TASP1: variants seen among roughly 807,000 people sequenced by gnomAD.
TASP1 encodes threonine aspartase 1.
In TASP1, 16 loss-of-function variants were observed where a neutral mutation model predicts 56.6. That is an observed-to-expected ratio of 0.28 (90% CI 0.19 to 0.43). The LOEUF is 0.43. Ranked by LOEUF, TASP1 falls within the 20% of genes least tolerant of loss-of-function variation. TASP1 has a pLI of 1.00. For missense variants in TASP1, 393 were observed against 511.6 expected, an observed-to-expected ratio of 0.77 and a Z score of 2.24; for synonymous variants, 179 against 184.2, an observed-to-expected ratio of 0.97 and a Z score of 0.23.
At chr20:13,274,039 C>T in the TASP1 span, among the ~76,000 whole-genome samples, 6 of 149,442 alleles carry the variant, frequency 4.0e-5, no homozygotes, top group African/African-American at 1.0e-4. Flanking sequence ...TGGGAGCCCC[C>T]GCCTTCTGTT....
At chr20:13,187,278 A>G in the TASP1 span, among the ~76,000 whole-genome samples, 2 of 152,190 alleles carry the variant, frequency 1.3e-5, no homozygotes, top group Non-Finnish European at 2.9e-5. Context: ...GAATACCAGA[A>G]GGAAAAGAAA....
In TASP1 at chr20:13,549,423, G is replaced by GGT. The variant is rs138769695; in HGVS notation, c.675+9583_675+9584dup. Among the ~76,000 whole-genome samples the GGT allele has an allele frequency of 5.9e-4, 89 of 150,948 alleles. 1 individual carries two copies. The highest frequency in any genetic ancestry group is 1.7e-3 in the African/African-American group (70 of 41,182). Reference sequence around the variant, plus strand: ...TTAAAATACCCTTGTACTTGTAATAGGTGTGTGTGTGTGTGTATGTGTGTG... The same window carrying GGT: ...TTAAAATACCCTTGTACTTGTAATAGGTGTGTGTGTGTGTGTGTATGTGTGTG... On this transcript the variant is annotated intron_variant, in intron 8 of 13. Coordinates refer to ENST00000337743, the MANE Select transcript of TASP1 (RefSeq NM_017714.3).
the TASP1 span, among the ~76,000 whole-genome samples, chr20:13,153,097 C>T: frequency 1.3e-5 from 2 of 152,176 alleles, no homozygotes; most frequent in African/African-American, 4.8e-5. Context: ...AAACTTTGGG[C>T]TGATTTCTAG....
At chr20:13,321,587 C>G in the TASP1 span, among the ~76,000 whole-genome samples, 1 of 152,192 alleles carries the variant, frequency 6.6e-6, no homozygotes, top group African/African-American at 2.4e-5. Context: ...AGCCTGAGCA[C>G]AGGGACGTGG....
intron 4 of TASP1, among the ~76,000 whole-genome samples, chr20:13,615,122 C>CT (rs1184342189): frequency 6.6e-6 from 1 of 152,060 alleles, no homozygotes; most frequent in Non-Finnish European, 1.5e-5. Flanking sequence ...CTCTACTAAG[C>CT]TTTTTTTAAT....
intron 4 of TASP1, among the ~76,000 whole-genome samples, chr20:13,597,878 T>C (rs1375619577): frequency 6.6e-6 from 1 of 152,290 alleles, no homozygotes; most frequent in Non-Finnish European, 1.5e-5. Context: ...AGCATTCCTA[T>C]ACACCAATAA....
intron 11 of TASP1, among the ~76,000 whole-genome samples, chr20:13,468,953 A>G (rs2044369027): frequency 6.6e-6 from 1 of 152,002 alleles, no homozygotes; most frequent in South Asian, 2.1e-4. Flanking sequence ...AAAACTCAAT[A>G]AAATACCAAT....
At chr20:13,608,829 G>A (rs1457113696) in intron 4 of TASP1, among the ~76,000 whole-genome samples, 14 of 152,192 alleles carry the variant, frequency 9.2e-5, no homozygotes, top group Non-Finnish European at 1.5e-5. Context: ...TACCTACATG[G>A]AGCCTCAATT....
intron 10 of TASP1, among the ~76,000 whole-genome samples, chr20:13,504,647 C>G (rs1601033578): frequency 1.3e-5 from 2 of 152,110 alleles, no homozygotes; most frequent in East Asian, 3.9e-4. Context: ...TTAAAAATAC[C>G]TGTAGCTACA....
At chr20:13,343,585 C>G in the TASP1 span, among the ~76,000 whole-genome samples, 2 of 140,514 alleles carry the variant, frequency 1.4e-5, no homozygotes, top group Admixed American at 7.0e-5. Context: ...CCCCGCCGCC[C>G]CCGCCCCCGC....
chr20:13,390,575 G>C, intron 13 of TASP1, 123 bp from the exon 14 acceptor site: 1 of 747,520 alleles, frequency 1.3e-6, no homozygotes, highest in Admixed American at 2.2e-5. Context: ...TTGCTTCTGA[G>C]CATCCACAGA....
intron 11 of TASP1, among the ~76,000 whole-genome samples, chr20:13,478,385 C>T (rs2043019589): frequency 3.3e-5 from 5 of 150,908 alleles, no homozygotes; most frequent in Admixed American, 3.3e-4. Context: ...GAATACTATT[C>T]AGCCACAAAA....
At chr20:13,391,740 G>A (rs2041288377) in intron 13 of TASP1, among the ~76,000 whole-genome samples, 1 of 152,076 alleles carries the variant, frequency 6.6e-6, no homozygotes, top group Non-Finnish European at 1.5e-5. Context: ...GGCCGAGGCG[G>A]GCAGATCACG....
intron 11 of TASP1, among the ~76,000 whole-genome samples, chr20:13,477,760 G>T (rs141586719): frequency 6.6e-6 from 1 of 152,288 alleles, no homozygotes; most frequent in African/African-American, 2.4e-5. Flanking sequence ...TGGTTAGCAT[G>T]AAGTATTATT....
chr20:13,437,239 C>T (rs1034994571), intron 11 of TASP1, among the ~76,000 whole-genome samples: 3 of 152,186 alleles, frequency 2.0e-5, no homozygotes, highest in African/African-American at 7.2e-5. Context: ...AGCATATAAA[C>T]AGAACCAATG....
intron 13 of TASP1, among the ~76,000 whole-genome samples, chr20:13,414,917 C>T (rs2042204672): frequency 6.6e-6 from 1 of 152,006 alleles, no homozygotes; most frequent in Non-Finnish European, 1.5e-5. Context: ...CTTTTCTACG[C>T]AATATGATTT....
chr20:13,396,534 A>G (rs535322025), intron 13 of TASP1, among the ~76,000 whole-genome samples: 1 of 152,330 alleles, frequency 6.6e-6, no homozygotes, highest in South Asian at 2.1e-4. Flanking sequence ...TCTCTAGAGC[A>G]TCCTTTCAGA....
intron 6 of TASP1, among the ~76,000 whole-genome samples, chr20:13,576,146 G>A (rs6109956): frequency 0.011 from 1,587 of 146,854 alleles, 36 homozygotes; most frequent in African/African-American, 0.037. Flanking sequence ...AGACTGCAGC[G>A]AGCCGAGATC....
the TASP1 span, among the ~76,000 whole-genome samples, chr20:13,310,413 T>C: frequency 6.6e-6 from 1 of 152,232 alleles, no homozygotes; most frequent in East Asian, 1.9e-4. Flanking sequence ...ACCCCACATA[T>C]AATAGTCAAC....
Sources: allele counts gnomAD v4.1 joint callset (sites outside exome capture counted in the v4.1 genomes callset), GRCh38; gene constraint gnomAD v4.1.1; transcripts MANE v1.5; gene names NCBI Gene and HGNC (gene_info 2026-07-23, HGNC 2026-07-21).